Variants in SRGAP3 observed in about 807,000 individuals in gnomAD.
The protein encoded by SRGAP3 is SLIT-ROBO Rho GTPase activating protein 3, also known as SLIT-ROBO Rho GTPase-activating protein 3.
Under a neutral mutation model 121.1 loss-of-function variants are expected in SRGAP3, and 39 were observed. The ratio of observed to expected loss-of-function variants is 0.32; its 90% CI spans 0.25 to 0.42. The LOEUF is 0.42. Among genes scored for constraint, SRGAP3 ranks in the 10% least tolerant of loss-of-function variants. SRGAP3 has a pLI of 1.00. For missense variants in SRGAP3, 1,213 were observed against 1,470.6 expected, an observed-to-expected ratio of 0.82 and a Z score of 2.86; for synonymous variants, 601 against 570.0, an observed-to-expected ratio of 1.05 and a Z score of -0.77.
chr3:9,177,502 G>T (rs779701216), intron 1 of SRGAP3, among the ~76,000 whole-genome samples: 1 of 152,074 alleles, frequency 6.6e-6, no homozygotes, highest in Non-Finnish European at 1.5e-5. Context: ...ACCATGCCAC[G>T]GAGTCTGACC....
chr3:9,319,542 A>T (rs1955407243), intron 3 of SRGAP3, among the ~76,000 whole-genome samples: 1 of 151,938 alleles, frequency 6.6e-6, no homozygotes, highest in African/African-American at 2.4e-5. Context: ...GTTAACAGGT[A>T]TGTAAACACC....
At chr3:9,060,193 TG>T in intron 6 of SRGAP3, 37 bp downstream of exon 6, 1 of 1,613,474 alleles carries the variant, frequency 6.2e-7, no homozygotes, top group Non-Finnish European at 8.5e-7. Context: ...AGCCCTGGTG[TG>T]GGCCCTGCTC....
chr3:9,297,763 G>A (rs1458889924), intron 3 of SRGAP3, among the ~76,000 whole-genome samples: 2 of 152,066 alleles, frequency 1.3e-5, no homozygotes, highest in African/African-American at 2.4e-5. Context: ...GGGCATTGTG[G>A]CGTGTGCCTG....
chr3:9,028,151 G>A (rs370502498), intron 12 of SRGAP3: 92 of 1,614,110 alleles, frequency 5.7e-5, no homozygotes, highest in Middle Eastern at 3.3e-4. Flanking sequence ...AAAATAAACA[G>A]GCAGCAGAGC....
rs149669871 is a variant in SRGAP3, at chr3:9,167,817, C to A, written c.68-42900G>T. ...ACAAGAGCCCAGCCTAGATATCTTT[C>A]AGTCCTCAGCATGCCTCGCTGTTTT... is the stretch of plus-strand genomic sequence containing the variant. On this transcript the variant is annotated intron_variant, in intron 1 of 21. Coordinates refer to ENST00000383836, the MANE Select transcript of SRGAP3 (RefSeq NM_014850.4). 1.0e-2 allele frequency among the ~76,000 whole-genome samples: 1,518 copies of A among 152,324 alleles called. 67 individuals carry two copies. The highest frequency in any genetic ancestry group is 0.073 in the Admixed American group (1,116 of 15,298).
intron 21 of SRGAP3, among the ~76,000 whole-genome samples, chr3:8,990,091 T>C (rs1397703412): frequency 6.6e-6 from 1 of 152,248 alleles, no homozygotes; most frequent in East Asian, 1.9e-4. Context: ...TCCATTTTAC[T>C]GTTGGTGGCT....
chr3:9,147,052 A>C lies in SRGAP3; in HGVS notation c.68-22135T>G, dbSNP rs573925030. Among the ~76,000 whole-genome samples, 29 of 151,724 alleles carry C rather than the reference A, an allele frequency of 1.9e-4. No homozygotes were observed. In the South Asian group the frequency reaches 6.0e-3, roughly 32 times the overall value. On this transcript the variant is annotated intron_variant, in intron 1 of 21. Transcript: ENST00000383836. ...TTACCAAGTACTGAATCTATACCCA[A>C]CTCTACATCTGTTACTTCTAAAACT...
rs551149034 is a variant in SRGAP3, at chr3:9,141,374, T to C, written c.68-16457A>G. Among the ~76,000 whole-genome samples, 7 of 152,286 alleles carry C rather than the reference T, an allele frequency of 4.6e-5. No individual in the cohort carries two copies. The South Asian group carries it at 1.2e-3, about 27-fold the overall frequency. Reference sequence around the variant, plus strand: ...ATCTAAGGCCACCATGCCGCCCAAATATTTTATGCACATTGCGGCTACTGC... The same window carrying C: ...ATCTAAGGCCACCATGCCGCCCAAACATTTTATGCACATTGCGGCTACTGC... On this transcript the variant is annotated intron_variant, in intron 1 of 21. Transcript: ENST00000383836.
chr3:9,015,046 A>G (rs1428522828), intron 15 of SRGAP3, among the ~76,000 whole-genome samples: 1 of 152,092 alleles, frequency 6.6e-6, no homozygotes, highest in African/African-American at 2.4e-5. Context: ...CTAACTAGCA[A>G]TGTCAGAGAA....
intron 1 of SRGAP3, among the ~76,000 whole-genome samples, chr3:9,220,788 A>T (rs1952788608): frequency 2.6e-5 from 4 of 152,180 alleles, no homozygotes; most frequent in Non-Finnish European, 4.4e-5. Flanking sequence ...TCCCTAGATG[A>T]TTAGCTCATC....
chr3:9,036,731 C>T (rs903082734), intron 11 of SRGAP3: 1 of 152,188 alleles, frequency 6.6e-6, no homozygotes, highest in Admixed American at 6.5e-5. Context: ...TGAGGGACAG[C>T]TCAATTCATC....
intron 1 of SRGAP3, among the ~76,000 whole-genome samples, chr3:9,131,433 CTTTTT>C (rs869155697): frequency 2.2e-5 from 2 of 90,214 alleles, no homozygotes; most frequent in Admixed American, 1.5e-4. Flanking sequence ...AGATCTAATT[CTTTTT>C]TTTTTTTTTT....
At chr3:9,134,162 T>C (rs1162452413) in intron 1 of SRGAP3, among the ~76,000 whole-genome samples, 1 of 152,206 alleles carries the variant, frequency 6.6e-6, no homozygotes, top group African/African-American at 2.4e-5. Context: ...CAGATGGCTT[T>C]CCTGGGTTAG....
At chr3:9,294,025 A>G (rs1220767163) in intron 3 of SRGAP3, among the ~76,000 whole-genome samples, 12 of 152,230 alleles carry the variant, frequency 7.9e-5, no homozygotes, top group Admixed American at 7.9e-4. Context: ...ATAAATACAC[A>G]TGCACACATA....
chr3:9,055,748 C>A (rs1452482771), intron 8 of SRGAP3, among the ~76,000 whole-genome samples: 1 of 152,202 alleles, frequency 6.6e-6, no homozygotes, highest in African/African-American at 2.4e-5. Flanking sequence ...GCACCTATCA[C>A]CCCACAACCC....
In SRGAP3 at chr3:9,356,147, G is replaced by A. The variant is rs928438518; in HGVS notation, n.214+6693C>T. Among the ~76,000 whole-genome samples the A allele has an allele frequency of 4.0e-5, 6 of 151,262 alleles. 1 individual carries two copies. In the South Asian group the frequency reaches 8.4e-4, roughly 21 times the overall value. On this transcript the variant is annotated intron_variant and non_coding_transcript_variant, in intron 1 of 3. Transcript: ENST00000490889. Reference sequence around the variant, plus strand: ...CTACCGGTGAACAACATGGGATAGAGAGATATTTCCTGAACCGTGAGACCT... The same window carrying A: ...CTACCGGTGAACAACATGGGATAGAAAGATATTTCCTGAACCGTGAGACCT...
At chr3:9,318,071 A>T (rs1291953967) in intron 3 of SRGAP3, among the ~76,000 whole-genome samples, 1 of 151,074 alleles carries the variant, frequency 6.6e-6, no homozygotes, top group East Asian at 2.0e-4. Flanking sequence ...CTAATTTGAA[A>T]TCTTCTTCCC....
chr3:8,985,368 G>C lies in SRGAP3; in HGVS notation c.*151C>G. On this transcript the variant is annotated 3_prime_UTR_variant, in exon 22 of 22. Transcript: ENST00000383836. The surrounding 1 kb of genome is among the most constrained non-coding windows in gnomAD (Gnocchi z 5.1). ...TGGCTGGACGTGAGCTGCAGCCAGC[G>C]CCCGGGCCTCAGCTCTGCACAGACA... 7.0e-7 allele frequency: 1 copy of C among 1,419,310 alleles called. No individual in the cohort carries two copies. The highest frequency in any genetic ancestry group is 1.5e-5 in the African/African-American group (1 of 67,934). 87.9% of individuals were successfully genotyped at this position (1,419,310 alleles called of 1,614,324 possible).
intron 1 of SRGAP3, among the ~76,000 whole-genome samples, chr3:9,144,028 A>C (rs933761493): frequency 4.6e-5 from 7 of 151,970 alleles, no homozygotes; most frequent in Non-Finnish European, 8.8e-5. Context: ...CCTCCTCCTA[A>C]ACTAGCCCCC....
Sources: gnomAD v4.1 joint callset for allele counts (sites outside exome capture counted in the v4.1 genomes callset) on GRCh38, gnomAD v4.1.1 for gene constraint, Gnocchi (gnomAD v3.1) non-coding constraint, MANE v1.5 for transcripts, NCBI Gene and HGNC (gene_info 2026-07-23, HGNC 2026-07-21) for gene names.